Variants in DIAPH3 observed in about 807,000 individuals in gnomAD.
The protein encoded by DIAPH3 is protein diaphanous homolog 3.
Under a neutral mutation model 144.3 loss-of-function variants are expected in DIAPH3, and 117 were observed. The observed-to-expected ratio is 0.81, with a 90% CI of 0.70 to 0.95. The LOEUF (loss-of-function observed/expected upper bound fraction) is 0.95. Ranked by LOEUF, DIAPH3 falls within the 40% of genes least tolerant of loss-of-function variation. The probability of loss-of-function intolerance (pLI) is 0.00; values close to 1 mark genes in which losing one functional copy is unlikely to be tolerated. For synonymous variants in DIAPH3, 519 were observed against 488.9 expected, an observed-to-expected ratio of 1.06 and a Z score of -0.81; for missense variants, 1,421 against 1,412.7, an observed-to-expected ratio of 1.01 and a Z score of -0.09.
intron 20 of DIAPH3, among the ~76,000 whole-genome samples, chr13:59,908,900 C>T (rs2046864067): frequency 6.6e-6 from 1 of 152,114 alleles, no homozygotes; most frequent in Non-Finnish European, 1.5e-5. Flanking sequence ...CTATTTGGAG[C>T]TGGGAAAGCA....
chr13:59,703,935 A>T (rs1297960302), intron 27 of DIAPH3, among the ~76,000 whole-genome samples: 2 of 152,230 alleles, frequency 1.3e-5, no homozygotes, highest in Admixed American at 6.5e-5. Context: ...TAAATGTCTT[A>T]CTAATCTCCA....
At chr13:59,814,344 GA>G (rs2040653876) in intron 24 of DIAPH3, among the ~76,000 whole-genome samples, 1 of 152,086 alleles carries the variant, frequency 6.6e-6, no homozygotes, top group African/African-American at 2.4e-5. Context: ...TTTGTTTCAT[GA>G]AAAATGCACT....
At chr13:59,666,883 C>T (rs766176318) in intron 27 of DIAPH3, 37 bp from the exon 28 acceptor site, 1 of 1,612,144 alleles carries the variant, frequency 6.2e-7, no homozygotes, top group South Asian at 1.1e-5. Flanking sequence ...AACTTATCAC[C>T]ATGATAACCA....
chr13:59,675,504 C>G (rs562598946), intron 27 of DIAPH3, among the ~76,000 whole-genome samples: 1 of 152,034 alleles, frequency 6.6e-6, no homozygotes, highest in African/African-American at 2.4e-5. Context: ...CCTGCCTCAG[C>G]CTCCTGAGTA....
chr13:59,926,189 T>C (rs1025063179), intron 17 of DIAPH3, among the ~76,000 whole-genome samples: 27 of 151,848 alleles, frequency 1.8e-4, no homozygotes, highest in Non-Finnish European at 3.1e-4. Flanking sequence ...AGCCCCACTA[T>C]ATTGCCCAGG....
At chr13:60,136,472 C>CA (rs34487556) in intron 1 of DIAPH3, among the ~76,000 whole-genome samples, 7,420 of 81,794 alleles carry the variant, frequency 0.091, 279 homozygotes, top group East Asian at 0.18. Flanking sequence ...TTATATTTAC[C>CA]AAAAAAAAAA....
At chr13:60,112,691 CCTGATAAA>C (rs1188298683) in intron 2 of DIAPH3, among the ~76,000 whole-genome samples, 1 of 152,092 alleles carries the variant, frequency 6.6e-6, no homozygotes, top group Non-Finnish European at 1.5e-5. Flanking sequence ...AGCTTAGTGG[CCTGATAAA>C]CTATTTATCT....
intron 20 of DIAPH3, among the ~76,000 whole-genome samples, chr13:59,902,102 G>A (rs7339062): frequency 0.11 from 16,399 of 152,166 alleles, 901 homozygotes; most frequent in Admixed American, 0.15. Context: ...CAATGAATCA[G>A]TTACACATTA....
intron 1 of DIAPH3, among the ~76,000 whole-genome samples, chr13:60,162,803 TCTCTCTCACACA>T (rs1219350716): frequency 2.6e-4 from 36 of 138,548 alleles, no homozygotes; most frequent in Middle Eastern, 7.7e-3. Context: ...TCTCTCTCTC[TCTCTCTCACACA>T]CACACACACA....
At chr13:59,714,251 T>A (rs1490465193) in intron 27 of DIAPH3, among the ~76,000 whole-genome samples, 1 of 149,312 alleles carries the variant, frequency 6.7e-6, no homozygotes, top group Non-Finnish European at 1.5e-5. Context: ...TCCCAGCTAC[T>A]TGGGAGGCTG....
chr13:60,071,672 C>A (rs2057212358), intron 4 of DIAPH3, among the ~76,000 whole-genome samples: 1 of 152,180 alleles, frequency 6.6e-6, no homozygotes, highest in Admixed American at 6.5e-5. Flanking sequence ...TTGCCCCTTA[C>A]TTCACTGAGA....
intron 16 of DIAPH3, 90 bp from the exon 17 acceptor site, chr13:59,970,148 G>A: frequency 3.3e-6 from 2 of 598,432 alleles, no homozygotes; most frequent in South Asian, 2.7e-5. Flanking sequence ...TATCATAGCT[G>A]TCAGCAGATA....
At chr13:59,741,265 A>G (rs1248352651) in intron 27 of DIAPH3, among the ~76,000 whole-genome samples, 1 of 152,222 alleles carries the variant, frequency 6.6e-6, no homozygotes, top group African/African-American at 2.4e-5. Flanking sequence ...AAGTGTATCT[A>G]TAGAGAACAA....
At chr13:60,128,758 A>T (rs547092395) in intron 2 of DIAPH3, among the ~76,000 whole-genome samples, 1 of 151,584 alleles carries the variant, frequency 6.6e-6, no homozygotes, top group Non-Finnish European at 1.5e-5. Flanking sequence ...CATGAAATCA[A>T]TTTAGTGGAT....
chr13:59,756,431 AGG>A (rs1289726905), intron 27 of DIAPH3, among the ~76,000 whole-genome samples: 2 of 137,462 alleles, frequency 1.5e-5, no homozygotes, highest in Admixed American at 7.3e-5. Context: ...GAAGGAAGGA[AGG>A]AAGGAAGGAA....
At chr13:59,855,307 T>G (rs571422101) in intron 22 of DIAPH3, among the ~76,000 whole-genome samples, 20 of 152,156 alleles carry the variant, frequency 1.3e-4, no homozygotes, top group Admixed American at 5.2e-4. Context: ...GTAATTACCT[T>G]GGGAATGGCC....
intron 5 of DIAPH3, among the ~76,000 whole-genome samples, chr13:60,038,513 G>A (rs1335037328): frequency 3.3e-5 from 5 of 152,026 alleles, no homozygotes; most frequent in African/African-American, 9.7e-5. Flanking sequence ...TTCCAAAAAC[G>A]ACACTTATTA....
At chr13:59,849,925 C>T (rs1222934038) in intron 22 of DIAPH3, among the ~76,000 whole-genome samples, 5 of 146,766 alleles carry the variant, frequency 3.4e-5, no homozygotes, top group South Asian at 2.2e-4. Context: ...GCCATTTTCA[C>T]GATATTGAGT....
intron 4 of DIAPH3, among the ~76,000 whole-genome samples, chr13:60,071,032 CT>C (rs1566737194): frequency 6.6e-6 from 1 of 152,124 alleles, no homozygotes; most frequent in Non-Finnish European, 1.5e-5. Flanking sequence ...GTTTCTTTTT[CT>C]TAAACATGCA....
Sources: allele counts gnomAD v4.1 joint callset (sites outside exome capture counted in the v4.1 genomes callset), GRCh38; gene constraint gnomAD v4.1.1; transcripts MANE v1.5; gene names NCBI Gene and HGNC (gene_info 2026-07-23, HGNC 2026-07-21).